Variants in DCTN4 observed in about 807,000 individuals in gnomAD.
DCTN4 encodes the protein dynactin 4 (p62).
Under a neutral mutation model 62.7 loss-of-function variants are expected in DCTN4, and 23 were observed. That is an observed-to-expected ratio of 0.37 (90% CI 0.26 to 0.52). The LOEUF is 0.52. DCTN4 is among the 20% of genes least tolerant of loss of function. The pLI is 0.92. For missense variants in DCTN4, 514 were observed against 580.4 expected (o/e 0.89, Z 1.18); for synonymous variants, 199 against 202.1 (o/e 0.98, Z 0.13).
At chr5:150,748,525 T>C (rs879722221) in intron 3 of DCTN4, among the ~76,000 whole-genome samples, 1 of 150,074 alleles carries the variant, frequency 6.7e-6, no homozygotes, top group Non-Finnish European at 1.5e-5. Flanking sequence ...TAGCAAAGAC[T>C]TGGAACCAAC....
intron 4 of DCTN4, among the ~76,000 whole-genome samples, chr5:150,736,126 A>G (rs944416733): frequency 6.6e-6 from 1 of 152,254 alleles, no homozygotes; most frequent in East Asian, 1.9e-4. Context: ...TTAAGCTACC[A>G]AAACTAAGAA....
Position 150,739,237 on chromosome 5 carries a change from A to C in DCTN4, c.429+2877T>G, listed in dbSNP as rs186886782. Among the ~76,000 whole-genome samples the C allele has an allele frequency of 4.2e-3, 642 of 152,208 alleles. 4 individuals carry two copies. The highest frequency in any genetic ancestry group is 0.015 in the African/African-American group (616 of 41,512). ...AAGTTTCAGGATATGAAATCAATGTACAGAAATCAGTAGCACTGCTATACA... is the reference window on the plus strand; with the variant it reads ...AAGTTTCAGGATATGAAATCAATGTCCAGAAATCAGTAGCACTGCTATACA... On this transcript the variant is annotated intron_variant, in intron 4 of 12. Coordinates refer to ENST00000447998, the MANE Select transcript of DCTN4 (RefSeq NM_016221.4).
In DCTN4 at chr5:150,753,489, G is replaced by A. The variant is rs747169168; in HGVS notation, c.375C>T (p.Asp125=). The A allele has an allele frequency of 8.1e-6, 13 of 1,613,342 alleles. No individual in the cohort carries two copies. The Middle Eastern group carries it at 8.2e-4, about 102-fold the overall frequency. The change falls in exon 3 of 13, where the codon GAC becomes GAT. Residue 125 remains aspartate (D), a synonymous_variant. Transcript: ENST00000447998. ...RWTSRDVGMA[D]KSVASGGWQE... ...GTCCATCTCACTCACCTACAGATTT[G>A]TCTGCCATGCCCACATCTCTAGACG...
intron 5 of DCTN4, 62 bp downstream of exon 5, chr5:150,733,306 G>A (rs1396943328): frequency 5.0e-6 from 6 of 1,210,676 alleles, no homozygotes; most frequent in African/African-American, 1.5e-5. Flanking sequence ...GCCATTTTCT[G>A]AAATGATCAC....
chr5:150,721,832 T>G (rs974695199), intron 9 of DCTN4, among the ~76,000 whole-genome samples: 31 of 152,330 alleles, frequency 2.0e-4, no homozygotes, highest in African/African-American at 5.3e-4. Flanking sequence ...AAAAAAATTT[T>G]TTTTTCCTTA....
At chr5:150,757,718 TTTTC>T (rs777123070) in intron 1 of DCTN4, among the ~76,000 whole-genome samples, 24 of 152,250 alleles carry the variant, frequency 1.6e-4, no homozygotes, top group Non-Finnish European at 3.2e-4. Flanking sequence ...ATTTAATTGC[TTTTC>T]TTGACTATTC....
At chr5:150,758,604 G>C in intron 1 of DCTN4, 1 of 1,229,692 alleles carries the variant, frequency 8.1e-7, no homozygotes, top group Non-Finnish European at 1.0e-6. Flanking sequence ...ATCGCAGACA[G>C]ACACGGTCCC....
intron 5 of DCTN4, chr5:150,731,758 T>C (rs1025426212): frequency 4.6e-5 from 40 of 865,960 alleles, no homozygotes; most frequent in South Asian, 9.1e-5. Flanking sequence ...AATCTAAAAG[T>C]ATCTAAGCTA....
In DCTN4 at chr5:150,729,042, C is replaced by CCTTTTTTTTTTTTTT. The variant is rs762124472; in HGVS notation, c.834+1588_834+1589insAAAAAAAAAAAAAAG. 3.5e-4 allele frequency among the ~76,000 whole-genome samples: 18 copies of CCTTTTTTTTTTTTTT among 52,148 alleles called. 3 individuals are homozygous for CCTTTTTTTTTTTTTT. The highest frequency in any genetic ancestry group is 9.9e-4 in the African/African-American group (13 of 13,134). 34.2% of individuals were successfully genotyped at this position (52,148 alleles called of 152,430 possible). ...ACAAGTGTGTGAACCACCACACTGG[C>CCTTTTTTTTTTTTTT]TTTTTTTTTTTTTTTTTTTTTTTTT... is the stretch of plus-strand genomic sequence containing the variant. On this transcript the variant is annotated intron_variant, in intron 8 of 12. Transcript: ENST00000447998.
intron 12 of DCTN4, among the ~76,000 whole-genome samples, chr5:150,713,416 T>A (rs562324710): frequency 8.6e-4 from 131 of 152,106 alleles, no homozygotes; most frequent in African/African-American, 3.0e-3. Flanking sequence ...AATCTCACCT[T>A]TGCCTTCACT....
At chr5:150,730,609 G>A (rs1375211822) in intron 8 of DCTN4, 22 bp downstream of exon 8, 3 of 1,602,474 alleles carry the variant, frequency 1.9e-6, no homozygotes, top group Admixed American at 3.3e-5. Context: ...CAAATGGTCA[G>A]TCTACAGAAT....
chr5:150,735,973 T>A (rs1002185630), intron 4 of DCTN4, among the ~76,000 whole-genome samples: 1 of 144,808 alleles, frequency 6.9e-6, no homozygotes, highest in South Asian at 2.1e-4. Context: ...AAAGACAGCA[T>A]AAATAATAAA....
chr5:150,751,607 A>G (rs1752678762), intron 3 of DCTN4, among the ~76,000 whole-genome samples: 1 of 152,174 alleles, frequency 6.6e-6, no homozygotes, highest in Admixed American at 6.5e-5. Flanking sequence ...CTATACTGAC[A>G]CTAAAACATA....
At chr5:150,750,570 A>G (rs1752636632) in intron 3 of DCTN4, among the ~76,000 whole-genome samples, 2 of 152,212 alleles carry the variant, frequency 1.3e-5, no homozygotes, top group Non-Finnish European at 2.9e-5. Flanking sequence ...GTTCATTAAG[A>G]GAAGACGGAA....
chr5:150,742,090 T>C, intron 4 of DCTN4, 24 bp downstream of exon 4: 1 of 1,611,844 alleles, frequency 6.2e-7, no homozygotes, highest in Non-Finnish European at 8.5e-7. Flanking sequence ...TTTCATCCTC[T>C]CTCTCTTATG....
rs1034543342 is a variant in DCTN4 at position 150,731,687 on chromosome 5, A to G, written c.538-198T>C. 1.4e-5 allele frequency: 9 copies of G among 640,906 alleles called. No homozygotes were observed. In the Admixed American group the frequency reaches 1.8e-4, roughly 12 times the overall value. 39.7% of individuals were successfully genotyped at this position (640,906 alleles called of 1,614,324 possible). A position where few individuals can be genotyped will look rare whatever the true frequency, so the allele number is the denominator to read the frequency against. ...ATTCTTAAAATAATAACAGCACTAA[A>G]CATGGAGATTGAAACTATATTAATA... On this transcript the variant is annotated intron_variant, in intron 5 of 12. Coordinates refer to ENST00000447998, the MANE Select transcript of DCTN4 (RefSeq NM_016221.4).
chr5:150,757,704 T>C (rs1752912668), intron 1 of DCTN4, among the ~76,000 whole-genome samples: 1 of 152,250 alleles, frequency 6.6e-6, no homozygotes. Flanking sequence ...ATTTTTCTTG[T>C]ATTATTTAAT....
At chr5:150,726,788 T>C (rs1412565456) in intron 8 of DCTN4, among the ~76,000 whole-genome samples, 1 of 152,130 alleles carries the variant, frequency 6.6e-6, no homozygotes, top group East Asian at 1.9e-4. Flanking sequence ...ATTACCCAAG[T>C]TTTGCAGCAC....
intron 4 of DCTN4, among the ~76,000 whole-genome samples, chr5:150,741,164 C>CAAAAAAAAAAAAAAA (rs754641920): frequency 3.4e-5 from 2 of 58,352 alleles, no homozygotes; most frequent in African/African-American, 1.1e-4. Flanking sequence ...GATCCTGTCT[C>CAAAAAAAAAAAAAAA]AAAAAAAAAA....
Sources: allele counts gnomAD v4.1 joint callset (sites outside exome capture counted in the v4.1 genomes callset), GRCh38; gene constraint gnomAD v4.1.1; transcripts MANE v1.5; gene names NCBI Gene and HGNC (gene_info 2026-07-23, HGNC 2026-07-21).